SLC22A23: variants seen among roughly 807,000 people sequenced by gnomAD.
SLC22A23 encodes solute carrier family 22 member 23, also known as ion transporter protein.
In SLC22A23, 26 loss-of-function variants were observed where a neutral mutation model predicts 61.0. The ratio of observed to expected loss-of-function variants is 0.43; its 90% CI spans 0.31 to 0.59. The LOEUF (loss-of-function observed/expected upper bound fraction) is 0.59. SLC22A23 is among the 20% of genes least tolerant of loss of function. The pLI is 0.11. For synonymous variants in SLC22A23, 430 were observed against 413.9 expected, an observed-to-expected ratio of 1.04 and a Z score of -0.47; for missense variants, 796 against 934.7, an observed-to-expected ratio of 0.85 and a Z score of 1.94.
chr6:3,428,453 T>C (rs1383474429), intron 1 of SLC22A23, among the ~76,000 whole-genome samples: 1 of 152,184 alleles, frequency 6.6e-6, no homozygotes, highest in African/African-American at 2.4e-5. Flanking sequence ...TAGTACTAAC[T>C]GCAATCAGTG....
chr6:3,422,369 G>A lies in SLC22A23; in HGVS notation c.655-6514C>T, dbSNP rs759524896. The stretch of plus-strand genomic sequence containing the variant: ...CCACCCTGGAAGATGAGTCACAGAC[G>A]GACAAAAGAAACACCCTCCACAAGC... On this transcript the variant is annotated intron_variant, in intron 1 of 9. Transcript: ENST00000406686. Among the ~76,000 whole-genome samples, 91 of 152,154 alleles carry A rather than the reference G, an allele frequency of 6.0e-4. 1 individual carries two copies. Among genetic ancestry groups the A allele is most frequent in the South Asian group, 1.5e-3 (7 of 4,814 alleles).
rs144784887 is a variant in SLC22A23 at position 3,323,930 on chromosome 6, T to C, written c.986A>G (p.Gln329Arg). ...MVASFVAMAG[Q>R]FLMPGLAALC... ...GGCGGCTAGCCCAGGCATGAGGAAC[T>C]GGCCCGCCATGGCCACGAAGCTCGC... Residue 329 changes from glutamine (Q) to arginine (R), a missense_variant, in exon 4 of 10, where the codon CAG (glutamine) becomes CGG (arginine). Coordinates refer to ENST00000406686, the MANE Select transcript of SLC22A23 (RefSeq NM_015482.2). The C allele has an allele frequency of 2.8e-5, 45 of 1,614,080 alleles. No individual in the cohort carries two copies. In the African/African-American group the frequency reaches 6.0e-4, roughly 22 times the overall value.
At chr6:3,402,549 C>CCTAATCACCCA (rs1768495976) in intron 3 of SLC22A23, among the ~76,000 whole-genome samples, 2 of 53,010 alleles carry the variant, frequency 3.8e-5, no homozygotes, top group South Asian at 5.8e-4. Flanking sequence ...AGGCTGCAGC[C>CCTAATCACCCA]CACTCCAATC....
chr6:3,288,278 CCAAA>C (rs749997785), intron 6 of SLC22A23, among the ~76,000 whole-genome samples: 1 of 152,198 alleles, frequency 6.6e-6, no homozygotes, highest in Non-Finnish European at 1.5e-5. Context: ...CCTTCTCTCC[CCAAA>C]CACCCTTTCG....
chr6:3,295,418 G>A (rs1287676799), intron 5 of SLC22A23, among the ~76,000 whole-genome samples: 1 of 122,090 alleles, frequency 8.2e-6, no homozygotes, highest in Non-Finnish European at 1.5e-5. Flanking sequence ...GGGAGGCAGA[G>A]ATCAGAGCCT....
chr6:3,363,092 G>A (rs1299542043), intron 3 of SLC22A23, among the ~76,000 whole-genome samples: 1 of 152,196 alleles, frequency 6.6e-6, no homozygotes, highest in Non-Finnish European at 1.5e-5. Context: ...TCAGAAATGG[G>A]CTCTCCGCTC....
chr6:3,373,926 C>T (rs907537924), intron 3 of SLC22A23, among the ~76,000 whole-genome samples: 3 of 152,220 alleles, frequency 2.0e-5, no homozygotes, highest in African/African-American at 7.2e-5. Context: ...GACGTTAACT[C>T]CAGCAATCCT....
chr6:3,437,612 C>A (rs369043455), intron 1 of SLC22A23, among the ~76,000 whole-genome samples: 107 of 151,914 alleles, frequency 7.0e-4, no homozygotes, highest in African/African-American at 2.5e-3. Flanking sequence ...TGGCGTGAAC[C>A]CAGGAGGCGG....
At chr6:3,442,279 G>A (rs570078945) in intron 1 of SLC22A23, among the ~76,000 whole-genome samples, 3 of 152,252 alleles carry the variant, frequency 2.0e-5, no homozygotes, top group Admixed American at 1.3e-4. Context: ...GGGGAGCTGG[G>A]GTTTCATGGG....
chr6:3,274,187 C>T (rs1172243239), intron 9 of SLC22A23, among the ~76,000 whole-genome samples: 1 of 152,220 alleles, frequency 6.6e-6, no homozygotes, highest in African/African-American at 2.4e-5. Context: ...ACTTACAGAA[C>T]CCCTATCCCT....
chr6:3,382,780 A>G (rs1180725728), intron 3 of SLC22A23, among the ~76,000 whole-genome samples: 1 of 152,258 alleles, frequency 6.6e-6, no homozygotes, highest in African/African-American at 2.4e-5. Flanking sequence ...CATCTGGGAC[A>G]TTACAGAAAA....
chr6:3,341,778 G>C (rs1415486496), intron 3 of SLC22A23, among the ~76,000 whole-genome samples: 1 of 151,994 alleles, frequency 6.6e-6, no homozygotes, highest in Admixed American at 6.6e-5. Context: ...TCAAGCGAGG[G>C]GGGTGGGGGC....
intron 3 of SLC22A23, among the ~76,000 whole-genome samples, chr6:3,379,981 G>A (rs898748950): frequency 2.6e-5 from 4 of 151,968 alleles, no homozygotes; most frequent in Admixed American, 6.5e-5. Context: ...GTGTGTGCAC[G>A]TGCGTGCATC....
chr6:3,402,728 C>A (rs906192163), intron 3 of SLC22A23, among the ~76,000 whole-genome samples: 19 of 152,230 alleles, frequency 1.2e-4, no homozygotes, highest in Non-Finnish European at 2.9e-5. Flanking sequence ...TGCTCACTGT[C>A]CCAGCAGGGT....
intron 3 of SLC22A23, among the ~76,000 whole-genome samples, chr6:3,369,971 A>G (rs1766102336): frequency 6.6e-6 from 1 of 152,252 alleles, no homozygotes; most frequent in Admixed American, 6.5e-5. Flanking sequence ...CTGTAACCAC[A>G]ATTAAGATTT....
In SLC22A23 at chr6:3,269,379, T is replaced by C. The variant is rs1411129803; in HGVS notation, c.*3676A>G. On this transcript the variant is annotated 3_prime_UTR_variant, in exon 10 of 10. Coordinates refer to ENST00000406686, the MANE Select transcript of SLC22A23 (RefSeq NM_015482.2). The stretch of plus-strand genomic sequence containing the variant: ...AGGTCTGAATGAACACGGAGGATTT[T>C]ATTACTCACCATTAATGGTAGTGAA... 1 of 152,416 alleles carries C rather than the reference T, an allele frequency of 6.6e-6. No individual in the cohort carries two copies. Among genetic ancestry groups the C allele is most frequent in the East Asian group, 1.9e-4 (1 of 5,328 alleles). The allele number at this position is 152,416 out of a possible 1,614,324, so 9.4% of individuals were successfully genotyped here.
chr6:3,335,688 C>T (rs148966026), intron 3 of SLC22A23, among the ~76,000 whole-genome samples: 17 of 152,288 alleles, frequency 1.1e-4, no homozygotes, highest in African/African-American at 3.8e-4. Context: ...GGGGCTCCAT[C>T]TCTCCCTCCA....
At chr6:3,348,098 T>C (rs1356279347) in intron 3 of SLC22A23, among the ~76,000 whole-genome samples, 1 of 152,234 alleles carries the variant, frequency 6.6e-6, no homozygotes, top group Non-Finnish European at 1.5e-5. Flanking sequence ...TCTAGTTACC[T>C]GCATGCTGTG....
At chr6:3,398,454 A>T (rs1305683025) in intron 3 of SLC22A23, among the ~76,000 whole-genome samples, 11 of 127,244 alleles carry the variant, frequency 8.6e-5, no homozygotes, top group Admixed American at 5.8e-4. Context: ...ACAAAGCACT[A>T]TTTTTTTTTT....
Sources: gnomAD v4.1 joint callset for allele counts (sites outside exome capture counted in the v4.1 genomes callset) on GRCh38, gnomAD v4.1.1 for gene constraint, MANE v1.5 for transcripts, NCBI Gene and HGNC (gene_info 2026-07-23, HGNC 2026-07-21) for gene names.